Variants in RANBP10 observed in about 807,000 individuals in gnomAD.
RANBP10 encodes ran-binding protein 10.
In RANBP10, 24 loss-of-function variants were observed where a neutral mutation model predicts 72.8. The observed-to-expected ratio is 0.33, with a 90% CI of 0.24 to 0.46. The LOEUF (loss-of-function observed/expected upper bound fraction) is 0.46. Among genes scored for constraint, RANBP10 ranks in the 20% least tolerant of loss-of-function variants. The pLI is 1.00. For missense variants in RANBP10, 679 were observed against 817.5 expected (o/e 0.83, Z 2.07); for synonymous variants, 310 against 322.3 (o/e 0.96, Z 0.41).
rs72790359 is a variant in RANBP10 at position 67,755,326 on chromosome 16, T to C, written c.401-10871A>G. On this transcript the variant is annotated intron_variant, in intron 3 of 13. Coordinates refer to ENST00000317506, the MANE Select transcript of RANBP10 (RefSeq NM_020850.3). ...ATGGAGATGTGCCTAGAAGTGAGAG[T>C]TGTGACCTGCACTATGAGGCCAGAG... 9.2e-3 allele frequency among the ~76,000 whole-genome samples: 1,393 copies of C among 151,786 alleles called. 3 individuals are homozygous for C. Among genetic ancestry groups the C allele is most frequent in the Middle Eastern group, 0.014 (4 of 294 alleles).
At chr16:67,753,275 G>A (rs1222449915) in intron 3 of RANBP10, among the ~76,000 whole-genome samples, 1 of 151,774 alleles carries the variant, frequency 6.6e-6, no homozygotes, top group Non-Finnish European at 1.5e-5. Flanking sequence ...GGAGGCCAAG[G>A]CAAGTGGATC....
intron 2 of RANBP10, among the ~76,000 whole-genome samples, chr16:67,794,395 CT>C (rs2055087435): frequency 6.6e-6 from 1 of 151,770 alleles, no homozygotes; most frequent in Non-Finnish European, 1.5e-5. Flanking sequence ...CGAGGTCATG[CT>C]GCTGCACTCC....
Position 67,727,409 on chromosome 16 carries a change from G to T in RANBP10, c.1650C>A (p.Asp550Glu). 1 of 1,613,986 alleles carries T rather than the reference G, an allele frequency of 6.2e-7. No individual in the cohort carries two copies. Among genetic ancestry groups the T allele is most frequent in the Non-Finnish European group, 8.5e-7 (1 of 1,179,940 alleles). The part of the protein sequence containing the change: ...QDAFSLLAYS[D>E]PWSCPVGQQL... ...GCTGGCCAACTGGGCAGCTCCAGGG[G>T]TCTGAGTATGCCAGCAGGCTGAAGG... Residue 550 changes from aspartate (D) to glutamate (E), a missense_variant, in exon 13 of 14, where the codon GAC becomes GAA. Asp to Glu is a conservative substitution (Grantham distance 45, BLOSUM62 2). Transcript: ENST00000317506.
chr16:67,750,985 C>A (rs1389899531), intron 3 of RANBP10, among the ~76,000 whole-genome samples: 1 of 152,080 alleles, frequency 6.6e-6, no homozygotes, highest in East Asian at 1.9e-4. Context: ...CCAGGATGGT[C>A]TCGATCTCCT....
chr16:67,796,559 A>G (rs2055138638), intron 2 of RANBP10, among the ~76,000 whole-genome samples: 1 of 152,164 alleles, frequency 6.6e-6, no homozygotes, highest in African/African-American at 2.4e-5. Context: ...TGTGCTGTGC[A>G]TTGAGAAAAA....
In RANBP10 at chr16:67,729,629, C is replaced by T; in HGVS notation, c.1147+51G>A. 2 of 1,570,920 alleles carry T rather than the reference C, an allele frequency of 1.3e-6. No individual in the cohort carries two copies. Among genetic ancestry groups the T allele is most frequent in the Non-Finnish European group, 8.6e-7 (1 of 1,158,628 alleles). ...GCCCAGGAAAGGGTATGTGGAGTGG[C>T]CTCTCTCCTCCACACCAGTTCTTCC... On this transcript the variant is annotated intron_variant, in intron 9 of 13. Transcript: ENST00000317506. The surrounding 1 kb of genome is among the most constrained non-coding windows in gnomAD (Gnocchi z 7.1).
intron 2 of RANBP10, among the ~76,000 whole-genome samples, chr16:67,790,372 C>G (rs549379957): frequency 6.6e-6 from 1 of 151,878 alleles, no homozygotes; most frequent in African/African-American, 2.4e-5. Context: ...TAGAAATAGA[C>G]AGTGATATGG....
Position 67,730,346 on chromosome 16 carries a change from G to A in RANBP10, c.890-300C>T, listed in dbSNP as rs1326270071. Reference sequence around the variant, plus strand: ...GCGGGGCACATGGTGCCAGGGACCTGGGGGCAGGGTAGGGCCCCAGCTGGG... The same window carrying A: ...GCGGGGCACATGGTGCCAGGGACCTAGGGGCAGGGTAGGGCCCCAGCTGGG... On this transcript the variant is annotated intron_variant, in intron 7 of 13. Transcript: ENST00000317506. The surrounding 1 kb of genome is among the most constrained non-coding windows in gnomAD (Gnocchi z 4.3). Among the ~76,000 whole-genome samples, 2 of 152,310 alleles carry A rather than the reference G, an allele frequency of 1.3e-5. No individual in the cohort carries two copies. Among genetic ancestry groups the A allele is most frequent in the African/African-American group, 4.8e-5 (2 of 41,574 alleles).
At position 67,778,042 on chromosome 16, in the gene RANBP10, T is replaced by A. The variant is rs146285213; in HGVS notation, c.348-5956A>T. On this transcript the variant is annotated intron_variant, in intron 2 of 13. Transcript: ENST00000317506. Reference sequence around the variant, plus strand: ...AACAAATAACGCTGGGACATCTGGATAATCACAAACAAAAGAACAAAGTTT... The same window carrying A: ...AACAAATAACGCTGGGACATCTGGAAAATCACAAACAAAAGAACAAAGTTT... 1.8e-3 allele frequency among the ~76,000 whole-genome samples: 270 copies of A among 152,194 alleles called. 3 individuals are homozygous for A. Among genetic ancestry groups the A allele is most frequent in the Non-Finnish European group, 2.8e-3 (190 of 67,988 alleles).
rs1372775537 is a variant in RANBP10 at position 67,803,646 on chromosome 16, G to A, written c.347+1782C>T. 1.3e-4 allele frequency among the ~76,000 whole-genome samples: 16 copies of A among 120,836 alleles called. 1 individual carries two copies. The Middle Eastern group carries it at 0.015, about 114-fold the overall frequency. 79.3% of individuals were successfully genotyped at this position (120,836 alleles called of 152,430 possible). A position where few individuals can be genotyped will look rare whatever the true frequency, so the allele number is the denominator to read the frequency against. ...GCCTGGGCAACAGGAGCAAAACTCC[G>A]TCTCAAAAAAAAAAAAAAAAAAAAA... On this transcript the variant is annotated intron_variant, in intron 2 of 13. Coordinates refer to ENST00000317506, the MANE Select transcript of RANBP10 (RefSeq NM_020850.3).
chr16:67,764,783 C>T (rs751736518), intron 3 of RANBP10, among the ~76,000 whole-genome samples: 7 of 152,198 alleles, frequency 4.6e-5, no homozygotes, highest in Non-Finnish European at 8.8e-5. Flanking sequence ...GTTTCCCATA[C>T]TAATCCATAG....
chr16:67,748,544 T>C (rs1444892768), intron 3 of RANBP10, among the ~76,000 whole-genome samples: 1 of 151,068 alleles, frequency 6.6e-6, no homozygotes, highest in Non-Finnish European at 1.5e-5. Context: ...ACAAAGTGCA[T>C]GGTACTCAGG....
At chr16:67,761,345 C>T (rs1194393478) in intron 3 of RANBP10, among the ~76,000 whole-genome samples, 1 of 152,180 alleles carries the variant, frequency 6.6e-6, no homozygotes, top group Admixed American at 6.5e-5. Flanking sequence ...CTGCGTCTAA[C>T]AGCTCTACTG....
At position 67,744,401 on chromosome 16, in the gene RANBP10, G is replaced by C; in HGVS notation, c.455C>G (p.Ser152Cys). Residue 152 changes from serine (S) to cysteine (C), a missense_variant, in exon 4 of 14, where the codon TCC (serine) becomes TGC (cysteine). By Grantham distance (112) the Ser-to-Cys change is moderately radical (BLOSUM62 -1). Transcript: ENST00000317506. ...YHGDDGHSFC[S>C]SGTGQPYGPT... is the part of the protein sequence containing the mutation. ...ACCATAGGGCTGGCCAGTCCCCGAG[G>C]AGCAGAACGAATGCCCATCATCACC... The C allele has an allele frequency of 6.2e-7, 1 of 1,614,222 alleles. No homozygotes were observed. The highest frequency in any genetic ancestry group is 1.1e-5 in the South Asian group (1 of 91,082).
At chr16:67,744,554 T>C in intron 3 of RANBP10, 99 bp from the exon 4 acceptor site, 1 of 1,286,528 alleles carries the variant, frequency 7.8e-7, no homozygotes, top group Non-Finnish European at 1.1e-6. Context: ...CTCCTCAGCC[T>C]GCCCCACCTC....
chr16:67,745,072 C>A (rs528233676), intron 3 of RANBP10, among the ~76,000 whole-genome samples: 2 of 151,978 alleles, frequency 1.3e-5, no homozygotes, highest in Admixed American at 1.3e-4. Flanking sequence ...CCTCGTGATC[C>A]GCCCGCCTCA....
rs2053810615 is a variant in RANBP10 at position 67,734,911 on chromosome 16, G to A, written c.723C>T (p.Val241=). Reference sequence around the variant, plus strand: ...GCCGGGCACTGATGGGGAAGCAGTGGACCGTGCCCTGGACCTTGGCACGCC... The same window carrying A: ...GCCGGGCACTGATGGGGAAGCAGTGAACCGTGCCCTGGACCTTGGCACGCC... ...REWRAKVQGT[V]HCFPISARLG... The change falls in exon 6 of 14, where the codon GTC becomes GTT. Residue 241 remains valine (V), a synonymous_variant. Coordinates refer to ENST00000317506, the MANE Select transcript of RANBP10 (RefSeq NM_020850.3). The A allele has an allele frequency of 1.9e-6, 3 of 1,613,210 alleles. No individual in the cohort carries two copies. Among genetic ancestry groups the A allele is most frequent in the Non-Finnish European group, 1.7e-6 (2 of 1,179,496 alleles).
chr16:67,789,543 T>C (rs1360683263), intron 2 of RANBP10, among the ~76,000 whole-genome samples: 1 of 151,370 alleles, frequency 6.6e-6, no homozygotes, highest in East Asian at 2.0e-4. Context: ...CATCTCGGCT[T>C]GCTGCAACCT....
chr16:67,734,883 C>T lies in RANBP10; in HGVS notation c.751G>A (p.Gly251Ser). Residue 251 changes from glycine (G) to serine (S), a missense_variant, in exon 6 of 14, where the codon GGC (glycine) becomes AGC (serine). Coordinates refer to ENST00000317506, the MANE Select transcript of RANBP10 (RefSeq NM_020850.3). ...TTCTGCAGCACTGCCTGCCACTCGC[C>T]AAGCCGGGCACTGATGGGGAAGCAG... ...VHCFPISARL[G>S]EWQAVLQNMV... 6.2e-7 allele frequency: 1 copy of T among 1,606,016 alleles called. No homozygotes were observed. The highest frequency in any genetic ancestry group is 8.5e-7 in the Non-Finnish European group (1 of 1,174,994).
Sources: gnomAD v4.1 joint callset for allele counts (sites outside exome capture counted in the v4.1 genomes callset) on GRCh38, gnomAD v4.1.1 for gene constraint, Gnocchi (gnomAD v3.1) non-coding constraint, MANE v1.5 for transcripts, NCBI Gene and HGNC (gene_info 2026-07-23, HGNC 2026-07-21) for gene names.